TET3: variants seen among roughly 807,000 people sequenced by gnomAD.
TET3 encodes the protein tet methylcytosine dioxygenase 3.
In TET3, 19 loss-of-function variants were observed where a neutral mutation model predicts 141.4. The ratio of observed to expected loss-of-function variants is 0.13; its 90% CI spans 0.09 to 0.20. The LOEUF is 0.20. Ranked by LOEUF, TET3 falls within the 10% of genes least tolerant of loss-of-function variation. The pLI, the probability that TET3 is intolerant of heterozygous loss-of-function variation, is 1.00. For missense variants in TET3, 1,874 were observed against 2,356.9 expected (o/e 0.80, Z 4.24); for synonymous variants, 1,043 against 980.9 (o/e 1.06, Z -1.18).
chr2:74,105,664 A>G lies in TET3; in HGVS notation c.*3488A>G, dbSNP rs1206799671. ...CCTTCCACCAGCCTCTTTTGGGAAC[A>G]GTAGTTTGCAGAGCAAGGGATTTTT... On this transcript the variant is annotated 3_prime_UTR_variant, in exon 12 of 12. Transcript: ENST00000409262. 4 of 325,936 alleles carry G rather than the reference A, an allele frequency of 1.2e-5. No individual in the cohort carries two copies. The highest frequency in any genetic ancestry group is 1.6e-5 in the Non-Finnish European group (3 of 182,442). The allele number at this position is 325,936 out of a possible 1,614,324, so 20.2% of individuals were successfully genotyped here.
chr2:74,061,595 C>T (rs1439936615), intron 4 of TET3, among the ~76,000 whole-genome samples: 2 of 148,838 alleles, frequency 1.3e-5, no homozygotes, highest in East Asian at 4.1e-4. Context: ...GGGCGGGGGG[C>T]TGACCCCCCC....
intron 4 of TET3, among the ~76,000 whole-genome samples, chr2:74,061,232 C>T (rs561562378): frequency 0.011 from 1,450 of 130,822 alleles, 19 homozygotes; most frequent in Middle Eastern, 0.017. Flanking sequence ...GGTGGCTGGC[C>T]GGGCGGGGGG....
chr2:73,988,914 C>CTT (rs58533695), intron 2 of TET3, among the ~76,000 whole-genome samples: 26 of 122,456 alleles, frequency 2.1e-4, no homozygotes, highest in African/African-American at 6.0e-4. Context: ...GAAATTAGAC[C>CTT]TTTTTTTTTT....
the TET3 span, among the ~76,000 whole-genome samples, chr2:74,128,544 C>T: frequency 1.3e-5 from 2 of 152,072 alleles, no homozygotes; most frequent in African/African-American, 4.8e-5. Flanking sequence ...GTAACAAATT[C>T]ATTGTAACAA....
chr2:73,988,968 CCT>C (rs1684184509), intron 2 of TET3, among the ~76,000 whole-genome samples: 1 of 141,536 alleles, frequency 7.1e-6, no homozygotes. Context: ...GTAACCAGTG[CCT>C]CTCTCTGAAA....
In TET3 at chr2:74,102,205, C is replaced by A; in HGVS notation, c.*29C>A. On this transcript the variant is annotated 3_prime_UTR_variant, in exon 12 of 12. Transcript: ENST00000409262. Reference sequence around the variant, plus strand: ...CCAGGGAGCCAGCGTACCTCAGCGTCGGGCCTGGCCCGAGCTGTCTCTGTG... The same window carrying A: ...CCAGGGAGCCAGCGTACCTCAGCGTAGGGCCTGGCCCGAGCTGTCTCTGTG... 7.1e-7 allele frequency: 1 copy of A among 1,417,538 alleles called. No homozygotes were observed. Among genetic ancestry groups the A allele is most frequent in the South Asian group, 1.7e-5 (1 of 57,740 alleles). 87.8% of individuals were successfully genotyped at this position (1,417,538 alleles called of 1,614,324 possible).
intron 2 of TET3, among the ~76,000 whole-genome samples, chr2:74,001,089 T>G (rs564567835): frequency 2.1e-4 from 32 of 152,278 alleles, no homozygotes; most frequent in African/African-American, 7.7e-4. Flanking sequence ...TGAGCTGTGC[T>G]TAGGACACTG....
At chr2:74,071,657 A>G (rs569300274) in intron 4 of TET3, among the ~76,000 whole-genome samples, 236 of 152,312 alleles carry the variant, frequency 1.5e-3, no homozygotes, top group Non-Finnish European at 2.4e-3. Flanking sequence ...TTTTCCACCA[A>G]TGGTCCTTTT....
intron 5 of TET3, 73 bp from the exon 6 acceptor site, chr2:74,080,425 C>A: frequency 1.5e-6 from 2 of 1,316,756 alleles, no homozygotes; most frequent in Non-Finnish European, 1.1e-6. Context: ...CACACTGAGG[C>A]TGTCTTCTGA....
the TET3 span, among the ~76,000 whole-genome samples, chr2:74,113,281 G>A: frequency 2.6e-5 from 4 of 152,224 alleles, no homozygotes; most frequent in East Asian, 7.7e-4. Context: ...AGCTACTCGG[G>A]AGGCTGAGGC....
intron 3 of TET3, among the ~76,000 whole-genome samples, chr2:74,021,436 C>T (rs768314240): frequency 6.6e-6 from 1 of 152,240 alleles, no homozygotes; most frequent in African/African-American, 2.4e-5. Context: ...CATGTTTTGG[C>T]GTTTCAGAGA....
intron 3 of TET3, among the ~76,000 whole-genome samples, chr2:74,020,517 G>T (rs1573708315): frequency 6.6e-6 from 1 of 152,218 alleles, no homozygotes; most frequent in African/African-American, 2.4e-5. Context: ...TGTAATTGGG[G>T]AATGGCAGGC....
chr2:74,134,908 G>C, the TET3 span: 19 of 378,018 alleles, frequency 5.0e-5, no homozygotes, highest in Non-Finnish European at 8.7e-5. Context: ...CTGCTCCTCG[G>C]TGTGACTTGC....
At chr2:73,996,009 C>G (rs1172456240) in intron 2 of TET3, among the ~76,000 whole-genome samples, 1 of 152,082 alleles carries the variant, frequency 6.6e-6, no homozygotes, top group Non-Finnish European at 1.5e-5. Flanking sequence ...TCTGTGGGTC[C>G]CTAGTGGGGA....
intron 3 of TET3, among the ~76,000 whole-genome samples, chr2:74,028,552 A>G (rs1446439775): frequency 6.6e-6 from 1 of 152,186 alleles, no homozygotes; most frequent in Non-Finnish European, 1.5e-5. Flanking sequence ...CCCAATTAAA[A>G]GACTGTTCTT....
intron 3 of TET3, 117 bp downstream of exon 3, chr2:74,003,283 G>C (rs1684961106): frequency 2.2e-6 from 3 of 1,353,980 alleles, no homozygotes; most frequent in Middle Eastern, 1.9e-4. Flanking sequence ...CCCACTGTGT[G>C]TGTAGCAGCA....
At position 74,100,442 on chromosome 2, in the gene TET3, C is replaced by T. The variant is rs1328303461; in HGVS notation, c.3654C>T (p.Leu1218=). The T allele has an allele frequency of 1.9e-6, 3 of 1,578,924 alleles. No homozygotes were observed. The highest frequency in any genetic ancestry group is 4.7e-5 in the East Asian group (2 of 42,648). Residue 1218 remains leucine, a synonymous_variant, in exon 12 of 12, where the codon CTC becomes CTT. Transcript: ENST00000409262. ...CCCAGCAAGGCCTGAAGCCCTCCCT[C>T]AAGGTGGAGCCGCAGAACCACTTCA... The part of the protein sequence containing the change: ...GLSQQGLKPS[L]KVEPQNHFSS...
At chr2:74,109,603 A>G (rs1691653780), downstream of TET3, among the ~76,000 whole-genome samples, 1 of 152,148 alleles carries the variant, frequency 6.6e-6, no homozygotes, top group South Asian at 2.1e-4. Flanking sequence ...CACTCAGTCT[A>G]TTTCTTTCTA....
intron 3 of TET3, among the ~76,000 whole-genome samples, chr2:74,037,340 A>G (rs1317170174): frequency 6.6e-6 from 1 of 152,282 alleles, no homozygotes; most frequent in African/African-American, 2.4e-5. Flanking sequence ...ATTTGCTATT[A>G]GAGAGAGTGG....
Sources: allele counts gnomAD v4.1 joint callset (sites outside exome capture counted in the v4.1 genomes callset), GRCh38; gene constraint gnomAD v4.1.1; transcripts MANE v1.5; gene names NCBI Gene and HGNC (gene_info 2026-07-23, HGNC 2026-07-21).